The following TBC1D1 variants were observed in gnomAD, a reference collection of about 807,000 sequenced individuals.
TBC1D1 encodes the protein TBC1 (tre-2/USP6, BUB2, cdc16) domain family, member 1.
In TBC1D1, 89 loss-of-function variants were observed where a neutral mutation model predicts 125.6. The observed-to-expected ratio is 0.71, with a 90% CI of 0.60 to 0.85. The LOEUF (loss-of-function observed/expected upper bound fraction) is 0.85. Among genes scored for constraint, TBC1D1 ranks in the 40% least tolerant of loss-of-function variants. The pLI is 0.00. For missense variants in TBC1D1, 1,377 were observed against 1,469.2 expected (o/e 0.94, Z 1.03); for synonymous variants, 565 against 564.1 (o/e 1.00, Z -0.02).
rs115207594 is a variant in TBC1D1 at position 38,112,685 on chromosome 4, G to T, written c.2558-3025G>T. ...CATCAGAGAATTGTTCTTAGCATAA[G>T]GGGCGCTACATGTAACTTTTTATTA... On this transcript the variant is annotated intron_variant, in intron 15 of 19. Coordinates refer to ENST00000261439, the MANE Select transcript of TBC1D1 (RefSeq NM_015173.4). Among the ~76,000 whole-genome samples, 381 of 152,316 alleles carry T rather than the reference G, an allele frequency of 2.5e-3. 1 individual carries two copies. The highest frequency in any genetic ancestry group is 8.8e-3 in the African/African-American group (364 of 41,566).
intron 2 of TBC1D1, among the ~76,000 whole-genome samples, chr4:37,926,483 C>T (rs1577891541): frequency 6.6e-6 from 1 of 152,280 alleles, no homozygotes; most frequent in Admixed American, 6.5e-5. Context: ...CAGGTACCCT[C>T]GTTCAGCAAT....
intron 2 of TBC1D1, among the ~76,000 whole-genome samples, chr4:37,950,703 C>A (rs1727661476): frequency 6.6e-6 from 1 of 151,448 alleles, no homozygotes; most frequent in Non-Finnish European, 1.5e-5. Flanking sequence ...CATTAGGACT[C>A]ATTCTTGGTG....
At chr4:38,009,720 AAC>A (rs1401886627) in intron 2 of TBC1D1, among the ~76,000 whole-genome samples, 1 of 152,268 alleles carries the variant, frequency 6.6e-6, no homozygotes, top group East Asian at 1.9e-4. Flanking sequence ...TGAACAAAGA[AAC>A]TTGTTTTGGT....
chr4:38,100,709 A>G (rs1436820704), intron 14 of TBC1D1, among the ~76,000 whole-genome samples: 2 of 152,206 alleles, frequency 1.3e-5, no homozygotes, highest in Non-Finnish European at 2.9e-5. Context: ...CTACAGGCCA[A>G]CTTAAAAAAA....
At chr4:38,006,629 C>G (rs1031201718) in intron 2 of TBC1D1, among the ~76,000 whole-genome samples, 3 of 151,998 alleles carry the variant, frequency 2.0e-5, no homozygotes, top group Non-Finnish European at 4.4e-5. Flanking sequence ...CAGGCATGTG[C>G]CACCACGCCC....
chr4:38,095,089 C>G lies in TBC1D1; in HGVS notation c.2237-840C>G, dbSNP rs148395696. Reference sequence around the variant, plus strand: ...GGGTTGACATTTTTAAAAATGTATTCAACAGAGTACGAGGGAAAAGATTAA... The same window carrying G: ...GGGTTGACATTTTTAAAAATGTATTGAACAGAGTACGAGGGAAAAGATTAA... On this transcript the variant is annotated intron_variant, in intron 13 of 19. Coordinates refer to ENST00000261439, the MANE Select transcript of TBC1D1 (RefSeq NM_015173.4). 1.3e-3 allele frequency among the ~76,000 whole-genome samples: 201 copies of G among 152,142 alleles called. No homozygotes were observed. In the South Asian group the frequency reaches 0.021, roughly 16 times the overall value.
intron 2 of TBC1D1, among the ~76,000 whole-genome samples, chr4:37,921,468 G>A (rs960030146): frequency 1.1e-4 from 17 of 151,062 alleles, no homozygotes; most frequent in African/African-American, 3.4e-4. Context: ...GTGCAGTGGC[G>A]TGATCTCGGC....
At chr4:38,085,428 G>A (rs181893059) in intron 12 of TBC1D1, among the ~76,000 whole-genome samples, 6 of 152,304 alleles carry the variant, frequency 3.9e-5, no homozygotes, top group Middle Eastern at 3.4e-3. Context: ...TGGCTTTGCC[G>A]ACTTTATAAA....
chr4:37,922,667 TG>T (rs2152275429), intron 2 of TBC1D1, among the ~76,000 whole-genome samples: 1 of 152,374 alleles, frequency 6.6e-6, no homozygotes, highest in South Asian at 2.1e-4. Context: ...CTTTGAATTT[TG>T]TCTCCTGCTA....
At chr4:37,966,518 C>T (rs1174312236) in intron 2 of TBC1D1, among the ~76,000 whole-genome samples, 1 of 152,178 alleles carries the variant, frequency 6.6e-6, no homozygotes, top group Non-Finnish European at 1.5e-5. Flanking sequence ...CTATCAAGGC[C>T]AATGGACATT....
intron 2 of TBC1D1, among the ~76,000 whole-genome samples, chr4:37,948,853 A>C (rs1370632443): frequency 6.6e-6 from 1 of 152,294 alleles, no homozygotes; most frequent in East Asian, 1.9e-4. Flanking sequence ...AACATTTCAC[A>C]TGAATAGAAT....
At position 37,926,079 on chromosome 4, in the gene TBC1D1, G is replaced by A. The variant is rs146319803; in HGVS notation, c.417+23567G>A. Among the ~76,000 whole-genome samples the A allele has an allele frequency of 1.8e-4, 28 of 152,312 alleles. No individual in the cohort carries two copies. In the East Asian group the frequency reaches 3.5e-3, roughly 19 times the overall value. ...CATCATCATTAGAAGAAAATGCTCC[G>A]TAATCTGTGTGCATTAACTTTAACT... On this transcript the variant is annotated intron_variant, in intron 2 of 19. Coordinates refer to ENST00000261439, the MANE Select transcript of TBC1D1 (RefSeq NM_015173.4).
intron 12 of TBC1D1, among the ~76,000 whole-genome samples, chr4:38,076,650 A>T (rs546565227): frequency 6.6e-6 from 1 of 152,168 alleles, no homozygotes; most frequent in Non-Finnish European, 1.5e-5. Flanking sequence ...CCAAAAATAG[A>T]CCAGAGAGAA....
At chr4:38,124,876 C>T in intron 17 of TBC1D1, 86 bp from the exon 20 acceptor site, 1 of 1,170,172 alleles carries the variant, frequency 8.5e-7, no homozygotes, top group South Asian at 1.4e-5. Context: ...CACACTCCTG[C>T]TCTGTGATGT....
rs374118141 is a variant in TBC1D1, at chr4:38,115,969, T to G, written c.2802+15T>G. ...TTATTTTACAGGTATAGAGTGTTCC[T>G]TATGTCTTTAATACAACAAAATGCT... On this transcript the variant is annotated intron_variant, in intron 16 of 19. Coordinates refer to ENST00000261439, the MANE Select transcript of TBC1D1 (RefSeq NM_015173.4). 1.8e-5 allele frequency: 29 copies of G among 1,610,806 alleles called. No homozygotes were observed. Among genetic ancestry groups the G allele is most frequent in the Admixed American group, 3.3e-5 (2 of 59,730 alleles).
At chr4:38,116,042 C>A in intron 16 of TBC1D1, 88 bp downstream of exon 18, 2 of 1,447,626 alleles carry the variant, frequency 1.4e-6, no homozygotes, top group Non-Finnish European at 1.9e-6. Context: ...AGCTTTTTCA[C>A]CGTCAGGTAA....
chr4:37,989,919 A>T (rs965066701), intron 2 of TBC1D1, among the ~76,000 whole-genome samples: 3 of 152,254 alleles, frequency 2.0e-5, no homozygotes, highest in South Asian at 4.1e-4. Context: ...TCCAGAAAAT[A>T]GTTTGCCAAC....
intron 2 of TBC1D1, among the ~76,000 whole-genome samples, chr4:38,006,528 G>T (rs571320974): frequency 6.9e-6 from 1 of 145,088 alleles, no homozygotes; most frequent in African/African-American, 2.6e-5. Flanking sequence ...ACCCAGGCTG[G>T]AGTGCAGTGG....
chr4:37,983,085 A>G (rs1275544438), intron 2 of TBC1D1, among the ~76,000 whole-genome samples: 2 of 147,450 alleles, frequency 1.4e-5, no homozygotes, highest in African/African-American at 5.0e-5. Flanking sequence ...AGCAGTGAAG[A>G]CCCATTAGGG....
Sources: gnomAD v4.1 joint callset for allele counts (sites outside exome capture counted in the v4.1 genomes callset) on GRCh38, gnomAD v4.1.1 for gene constraint, MANE v1.5 for transcripts, NCBI Gene and HGNC (gene_info 2026-07-23, HGNC 2026-07-21) for gene names.